Variants in DOCK2 observed in about 807,000 individuals in gnomAD.
DOCK2 encodes the protein dedicator of cytokinesis 2.
Under a neutral mutation model 248.9 loss-of-function variants are expected in DOCK2, and 87 were observed. The observed-to-expected ratio is 0.35, with a 90% confidence interval of 0.29 to 0.42. DOCK2 has a LOEUF of 0.42. DOCK2 is among the 10% of genes least tolerant of loss of function. DOCK2 has a pLI of 1.00. For synonymous variants in DOCK2, 805 were observed against 821.6 expected (o/e 0.98, Z 0.35); for missense variants, 1,747 against 2,300.2 (o/e 0.76, Z 4.92).
At chr5:169,787,156 C>T (rs571772941) in intron 25 of DOCK2, among the ~76,000 whole-genome samples, 14 of 152,298 alleles carry the variant, frequency 9.2e-5, no homozygotes, top group African/African-American at 2.2e-4. Context: ...ATTCCACTTC[C>T]GCACTCTGCT....
At chr5:169,883,255 T>G in intron 27 of DOCK2, 1 of 1,551,628 alleles carries the variant, frequency 6.4e-7, no homozygotes, top group Non-Finnish European at 8.7e-7. Context: ...CTCTCTAGCT[T>G]CCCAGGAAGG....
intron 26 of DOCK2, among the ~76,000 whole-genome samples, chr5:169,828,642 C>G (rs261628): frequency 1.3e-5 from 2 of 151,782 alleles, no homozygotes; most frequent in Non-Finnish European, 2.9e-5. Context: ...TTGGTTTCTC[C>G]CATTTCCTGT....
Position 169,712,188 on chromosome 5 carries a change from C to G in DOCK2, c.1624C>G (p.Leu542Val). Residue 542 changes from leucine to valine, a missense_variant, in exon 17 of 52, where the codon CTA becomes GTA. Leu to Val is a conservative substitution (Grantham distance 32). This residue lies in a region of DOCK2 where 858 missense variants were observed against 1,183.5 expected (regional missense o/e 0.72). Transcript: ENST00000520908. ...VKLMKEDGTT[L>V]HDGFHDLVVL... Reference sequence around the variant, plus strand: ...GCTGATGAAAGAAGATGGGACTACTCTACACGATGGATTCCATGACTTAGT... The same window carrying G: ...GCTGATGAAAGAAGATGGGACTACTGTACACGATGGATTCCATGACTTAGT... 2 of 1,614,112 alleles carry G rather than the reference C, an allele frequency of 1.2e-6. No homozygotes were observed. The highest frequency in any genetic ancestry group is 8.5e-7 in the Non-Finnish European group (1 of 1,179,962).
Position 170,069,153 on chromosome 5 carries a change from A to AGTAT in DOCK2, c.4664_4667dup (p.Arg1557CysfsTer6). ...CCTCCCCAGGCCTTCTTCACTGAAG[A>AGTAT]GTATGTCAGGGACCACCCTGAGGAC... On this transcript the variant is annotated frameshift_variant, in exon 46 of 52. Coordinates refer to ENST00000520908, the MANE Select transcript of DOCK2 (RefSeq NM_004946.3). LOFTEE classifies it high-confidence loss of function. 6.2e-7 allele frequency: 1 copy of AGTAT among 1,613,968 alleles called. No individual in the cohort carries two copies. The highest frequency in any genetic ancestry group is 8.5e-7 in the Non-Finnish European group (1 of 1,179,938).
At chr5:170,069,389 C>G (rs10076021) in intron 46 of DOCK2, among the ~76,000 whole-genome samples, 169 bp downstream of exon 46, 3,325 of 152,310 alleles carry the variant, frequency 0.022, 121 homozygotes, top group African/African-American at 0.076. Context: ...GCAGGTTCAT[C>G]CTGGAACAGA....
chr5:170,050,452 GC>G, intron 41 of DOCK2, 55 bp downstream of exon 41: 1 of 1,557,386 alleles, frequency 6.4e-7, no homozygotes, highest in Non-Finnish European at 8.6e-7. Context: ...CCCTGCCAGG[GC>G]TGCAGCCCAC....
chr5:169,913,777 T>A (rs1245494554), intron 27 of DOCK2, among the ~76,000 whole-genome samples: 1 of 152,164 alleles, frequency 6.6e-6, no homozygotes, highest in East Asian at 1.9e-4. Flanking sequence ...ACCCTCTTAT[T>A]TTTGATCAAT....
At chr5:169,724,998 A>G (rs1318986224) in intron 22 of DOCK2, among the ~76,000 whole-genome samples, 1 of 152,202 alleles carries the variant, frequency 6.6e-6, no homozygotes, top group Admixed American at 6.5e-5. Context: ...AATTTAACTC[A>G]GAGGTGCTTG....
rs139644615 is a variant in DOCK2, at chr5:170,077,819, G to C, written c.4976G>C (p.Ser1659Thr). 5.6e-4 allele frequency: 901 copies of C among 1,613,190 alleles called. 3 individuals are homozygous for C. In the African/African-American group the frequency reaches 0.01, roughly 19 times the overall value. The change falls in exon 48 of 52, where the codon AGC (serine) becomes ACC (threonine). Residue 1659 changes from serine (S) to threonine (T), a missense_variant. Transcript: ENST00000520908. The part of the protein sequence containing the change: ...ASMNSDCSTP[S>T]KPTSESFDLE... ...ATGAATTCTGACTGCAGCACCCCCA[G>C]CAAGCCTACCTCAGAGAGGTCAGTC...
chr5:170,034,598 G>C (rs970068746), intron 35 of DOCK2, 43 bp downstream of exon 35: 28 of 1,608,108 alleles, frequency 1.7e-5, no homozygotes, highest in Non-Finnish European at 2.4e-5. Flanking sequence ...GAACCCTGTG[G>C]GGGGGCTTGG....
At chr5:169,650,828 G>A (rs1013156413) in intron 1 of DOCK2, among the ~76,000 whole-genome samples, 3 of 152,112 alleles carry the variant, frequency 2.0e-5, no homozygotes, top group Non-Finnish European at 4.4e-5. Flanking sequence ...TACAAGGAGA[G>A]GTCAAGTCTT....
Position 169,720,341 on chromosome 5 carries a change from G to C in DOCK2, c.2267+1550G>C, listed in dbSNP as rs537964963. ...CATCTTCCAAGTGAGAATGTTTTAT[G>C]TATAAGTAGAATATGTCTTTTCTAC... is the stretch of plus-strand genomic sequence containing the variant. On this transcript the variant is annotated intron_variant, in intron 22 of 51. Coordinates refer to ENST00000520908, the MANE Select transcript of DOCK2 (RefSeq NM_004946.3). Among the ~76,000 whole-genome samples, 54 of 152,308 alleles carry C rather than the reference G, an allele frequency of 3.5e-4. 3 individuals carry two copies. In the South Asian group the frequency reaches 0.011, roughly 31 times the overall value.
At chr5:169,677,283 T>G (rs1759386279) in intron 6 of DOCK2, among the ~76,000 whole-genome samples, 1 of 152,210 alleles carries the variant, frequency 6.6e-6, no homozygotes, top group South Asian at 2.1e-4. Flanking sequence ...TTCCTAACTC[T>G]GATTTACATC....
chr5:169,875,468 G>A (rs1446850429), intron 27 of DOCK2: 1 of 346,608 alleles, frequency 2.9e-6, no homozygotes, highest in Non-Finnish European at 5.8e-6. Flanking sequence ...ATATCCTTCA[G>A]ATGAGTCTGG....
intron 46 of DOCK2, among the ~76,000 whole-genome samples, chr5:170,071,453 A>T (rs1353196792): frequency 6.6e-6 from 1 of 152,240 alleles, no homozygotes; most frequent in Non-Finnish European, 1.5e-5. Flanking sequence ...AAGCCTTCAA[A>T]GTACATTTGG....
chr5:170,079,558 C>T (rs1335434394), intron 49 of DOCK2: 1 of 185,206 alleles, frequency 5.4e-6, no homozygotes, highest in East Asian at 1.3e-4. Context: ...CAAGCCCCTC[C>T]TGTGTGCCAG....
intron 47 of DOCK2, 149 bp downstream of exon 47, chr5:170,076,233 G>T: frequency 7.9e-7 from 1 of 1,261,256 alleles, no homozygotes; most frequent in Non-Finnish European, 1.1e-6. Context: ...ATCCCATCCA[G>T]GGGAACCCTC....
chr5:169,881,739 T>G (rs1772667822), intron 27 of DOCK2, among the ~76,000 whole-genome samples: 1 of 152,216 alleles, frequency 6.6e-6, no homozygotes, highest in Non-Finnish European at 1.5e-5. Flanking sequence ...ACTCCTGACC[T>G]CTTAGTTCAG....
intron 9 of DOCK2, among the ~76,000 whole-genome samples, chr5:169,695,569 G>A (rs995206125): frequency 6.6e-6 from 1 of 152,050 alleles, no homozygotes; most frequent in Non-Finnish European, 1.5e-5. Context: ...GGAAGAATTG[G>A]GATTAAACAC....
Sources: gnomAD v4.1 joint callset for allele counts (sites outside exome capture counted in the v4.1 genomes callset) on GRCh38, gnomAD v4.1.1 for gene constraint, gnomAD v4.1.1 regional missense constraint, MANE v1.5 for transcripts, NCBI Gene and HGNC (gene_info 2026-07-23, HGNC 2026-07-21) for gene names.